TGFBR3: variants seen among roughly 807,000 people sequenced by gnomAD.
The protein encoded by TGFBR3 is transforming growth factor beta receptor type 3.
A neutral mutation model predicts 87.9 loss-of-function variants in TGFBR3; 46 were observed. The ratio of observed to expected loss-of-function variants is 0.52; its 90% CI spans 0.41 to 0.67. The LOEUF is 0.67. TGFBR3 is among the 30% of genes least tolerant of loss of function. The pLI is 0.00. For synonymous variants in TGFBR3, 381 were observed against 391.6 expected (o/e 0.97, Z 0.32); for missense variants, 866 against 1,041.9 (o/e 0.83, Z 2.32).
intron 3 of TGFBR3, among the ~76,000 whole-genome samples, chr1:91,770,675 C>T (rs1674346207): frequency 1.3e-5 from 2 of 152,036 alleles, no homozygotes; most frequent in Non-Finnish European, 2.9e-5. Flanking sequence ...TATACAATTC[C>T]CATTAGCAAA....
chr1:91,800,384 C>T (rs1347070680), intron 2 of TGFBR3, among the ~76,000 whole-genome samples: 8 of 148,780 alleles, frequency 5.4e-5, no homozygotes, highest in Non-Finnish European at 1.2e-4. Flanking sequence ...TGGTGCACAC[C>T]TGTAGTCCCA....
At chr1:91,857,355 T>C (rs1677995870) in intron 2 of TGFBR3, among the ~76,000 whole-genome samples, 1 of 151,280 alleles carries the variant, frequency 6.6e-6, no homozygotes, top group Non-Finnish European at 1.5e-5. Flanking sequence ...CATCCATTTA[T>C]TTAAAAAAAA....
chr1:91,687,702 G>A (rs1452430986), intron 16 of TGFBR3, among the ~76,000 whole-genome samples: 1 of 152,174 alleles, frequency 6.6e-6, no homozygotes, highest in African/African-American at 2.4e-5. Flanking sequence ...GGCAGAACAT[G>A]AGGAAATGAG....
chr1:91,682,190 T>C lies in TGFBR3; in HGVS notation c.*1549A>G, dbSNP rs1452907697. ...CCTAAGGTTTTAAGCTTCATCAGGATTACCTACTGAGGTTCCATTCACAGA... is the reference window on the plus strand; with the variant it reads ...CCTAAGGTTTTAAGCTTCATCAGGACTACCTACTGAGGTTCCATTCACAGA... On this transcript the variant is annotated 3_prime_UTR_variant, in exon 17 of 17. Transcript: ENST00000212355. The C allele has an allele frequency of 4.4e-6, 2 of 453,982 alleles. No homozygotes were observed. Among genetic ancestry groups the C allele is most frequent in the African/African-American group, 4.0e-5 (2 of 50,006 alleles). 28.1% of individuals were successfully genotyped at this position (453,982 alleles called of 1,614,324 possible). A position where few individuals can be genotyped will look rare whatever the true frequency, so the allele number is the denominator to read the frequency against.
chr1:91,875,801 AGT>A (rs1678777960), intron 1 of TGFBR3, among the ~76,000 whole-genome samples: 1 of 5,880 alleles, frequency 1.7e-4, no homozygotes, highest in South Asian at 0.011. Flanking sequence ...GGGGGGTGGG[AGT>A]GTGCAGCTGA....
chr1:91,766,207 T>TTC (rs1674178788), intron 3 of TGFBR3, among the ~76,000 whole-genome samples: 1 of 147,252 alleles, frequency 6.8e-6, no homozygotes, highest in African/African-American at 2.5e-5. Flanking sequence ...TCTTTTTTTT[T>TTC]TTTTTTTTTT....
intron 4 of TGFBR3, among the ~76,000 whole-genome samples, chr1:91,746,665 G>C (rs1248586609): frequency 6.6e-6 from 1 of 151,748 alleles, no homozygotes; most frequent in African/African-American, 2.4e-5. Context: ...TCAAGTTCAA[G>C]AGCAAAAACT....
In TGFBR3 at chr1:91,823,142, G is replaced by A. The variant is rs376552685; in HGVS notation, c.62-25671C>T. On this transcript the variant is annotated intron_variant, in intron 2 of 16. Transcript: ENST00000212355. ...AAGGTGTTAAGGGAGCCTGGAGGGG[G>A]AGCCTCCCTAATTCACCTCAAAGAA... Among the ~76,000 whole-genome samples, 10 of 152,214 alleles carry A rather than the reference G, an allele frequency of 6.6e-5. No homozygotes were observed. The East Asian group carries it at 1.2e-3, about 18-fold the overall frequency.
intron 3 of TGFBR3, among the ~76,000 whole-genome samples, chr1:91,796,958 G>C (rs906794374): frequency 1.5e-4 from 22 of 151,624 alleles, no homozygotes; most frequent in Admixed American, 1.2e-3. Context: ...TTGAACTCCT[G>C]AGCTCATGCG....
In TGFBR3 at chr1:91,712,540, T is replaced by C. The variant is rs2228362; in HGVS notation, c.1869A>G (p.Val623=). 1.4e-5 allele frequency: 22 copies of C among 1,614,122 alleles called. No individual in the cohort carries two copies. The Admixed American group carries it at 1.7e-4, about 12-fold the overall frequency. ...VPENGHVYVE[V]SVTKAEQELG... is the part of the protein sequence containing the mutation. ...GTTCTTGTTCAGCCTTAGTAACAGA[T>C]ACCTATGAAAGAACAGAAAGATGAA... Residue 623 remains valine (V), a splice_region_variant and synonymous_variant, in exon 13 of 17, where the codon GTA becomes GTG. Transcript: ENST00000212355.
chr1:91,760,608 A>G (rs551916298), intron 3 of TGFBR3, among the ~76,000 whole-genome samples: 1 of 152,338 alleles, frequency 6.6e-6, no homozygotes, highest in Admixed American at 6.5e-5. Context: ...AAATACAAAA[A>G]TAAGCAATAC....
chr1:91,695,842 T>G (rs1031999961), intron 15 of TGFBR3, 63 bp from the exon 16 acceptor site: 1 of 1,298,744 alleles, frequency 7.7e-7, no homozygotes, highest in Non-Finnish European at 1.1e-6. Context: ...CATTGCAATT[T>G]TATATTTGTT....
At chr1:91,832,361 A>G (rs1676881901) in intron 2 of TGFBR3, among the ~76,000 whole-genome samples, 3 of 72,246 alleles carry the variant, frequency 4.2e-5, no homozygotes, top group Admixed American at 2.3e-4. Context: ...CAGGAATTTT[A>G]AATTTGCATT....
chr1:91,823,008 T>A (rs150125494), intron 2 of TGFBR3, among the ~76,000 whole-genome samples: 2 of 152,306 alleles, frequency 1.3e-5, no homozygotes, highest in East Asian at 1.9e-4. Context: ...CCTATCTAGA[T>A]GGTAAATACT....
intron 12 of TGFBR3, among the ~76,000 whole-genome samples, chr1:91,715,988 A>ATTT: frequency 6.7e-6 from 1 of 149,510 alleles, no homozygotes; most frequent in African/African-American, 2.5e-5. Context: ...ACACTTGCCA[A>ATTT]TTTTTTTTTT....
At chr1:91,798,683 G>A (rs147268151) in intron 2 of TGFBR3, among the ~76,000 whole-genome samples, 3 of 152,296 alleles carry the variant, frequency 2.0e-5, no homozygotes, top group Non-Finnish European at 4.4e-5. Flanking sequence ...ACCTCTCTGA[G>A]GGCTGTGGGT....
chr1:91,854,077 G>C (rs1040044719), intron 2 of TGFBR3, among the ~76,000 whole-genome samples: 4 of 152,140 alleles, frequency 2.6e-5, no homozygotes, highest in Non-Finnish European at 4.4e-5. Flanking sequence ...GCTGGGGAGT[G>C]GGGGTGGAAG....
intron 2 of TGFBR3, among the ~76,000 whole-genome samples, chr1:91,896,532 T>C (rs1679556072): frequency 6.6e-6 from 1 of 152,186 alleles, no homozygotes; most frequent in South Asian, 2.1e-4. Context: ...AATCTCCACC[T>C]GGAAGCCAAA....
chr1:91,784,975 G>C (rs1448786231), intron 3 of TGFBR3, among the ~76,000 whole-genome samples: 2 of 152,200 alleles, frequency 1.3e-5, no homozygotes, highest in Non-Finnish European at 2.9e-5. Flanking sequence ...AGGCCATGCA[G>C]GTCTCTGACA....
Sources: gnomAD v4.1 joint callset for allele counts (sites outside exome capture counted in the v4.1 genomes callset) on GRCh38, gnomAD v4.1.1 for gene constraint, MANE v1.5 for transcripts, NCBI Gene and HGNC (gene_info 2026-07-23, HGNC 2026-07-21) for gene names.